DOCK2: variants seen among roughly 807,000 people sequenced by gnomAD.
DOCK2 encodes the protein dedicator of cytokinesis protein 2.
DOCK2 carries 87 observed loss-of-function variants against 248.9 expected under a neutral mutation model. The observed-to-expected ratio is 0.35, with a 90% confidence interval of 0.29 to 0.42. DOCK2 has a LOEUF of 0.42. Ranked by LOEUF, DOCK2 falls within the 10% of genes least tolerant of loss-of-function variation. The probability of loss-of-function intolerance (pLI) is 1.00; values close to 1 mark genes in which losing one functional copy is unlikely to be tolerated. For synonymous variants in DOCK2, 805 were observed against 821.6 expected, an observed-to-expected ratio of 0.98 and a Z score of 0.35; for missense variants, 1,747 against 2,300.2, an observed-to-expected ratio of 0.76 and a Z score of 4.92.
intron 25 of DOCK2, among the ~76,000 whole-genome samples, chr5:169,779,796 C>G (rs1250427306): frequency 6.6e-6 from 1 of 152,198 alleles, no homozygotes; most frequent in African/African-American, 2.4e-5. Context: ...TCTTCTTAAG[C>G]CTGAACAACT....
chr5:169,973,149 C>G (rs564341342), intron 27 of DOCK2, among the ~76,000 whole-genome samples: 1 of 152,326 alleles, frequency 6.6e-6, no homozygotes, highest in South Asian at 2.1e-4. Context: ...TGGAAGCTCT[C>G]TGGCTTGGTC....
Position 169,763,055 on chromosome 5 carries a change from G to A in DOCK2, c.2554+1430G>A, listed in dbSNP as rs1764578435. On this transcript the variant is annotated intron_variant, in intron 25 of 51. Coordinates refer to ENST00000520908, the MANE Select transcript of DOCK2 (RefSeq NM_004946.3). This position sits in a 1 kb window ranked among gnomAD's most constrained non-coding sequence, Gnocchi z 4.1. ...GTTCTTGTGATTTTAATATTTATGT[G>A]TGTGGTTTCCTGACCCTTTAGACAG... Among the ~76,000 whole-genome samples the A allele has an allele frequency of 6.6e-6, 1 of 152,224 alleles. No individual in the cohort carries two copies. Among genetic ancestry groups the A allele is most frequent in the Non-Finnish European group, 1.5e-5 (1 of 68,048 alleles).
intron 2 of DOCK2, among the ~76,000 whole-genome samples, chr5:169,660,925 T>C (rs967355304): frequency 3.3e-5 from 5 of 152,154 alleles, no homozygotes; most frequent in Non-Finnish European, 5.9e-5. Context: ...ATTTGCGGCA[T>C]GTCTATTTGC....
chr5:169,778,238 G>A (rs76569415), intron 25 of DOCK2, among the ~76,000 whole-genome samples: 9,706 of 152,102 alleles, frequency 0.064, 479 homozygotes, highest in Admixed American at 0.16. Flanking sequence ...GTCTTACAAG[G>A]GCTGTTATGA....
chr5:169,749,838 A>G (rs1022697784), intron 23 of DOCK2, among the ~76,000 whole-genome samples: 1 of 152,222 alleles, frequency 6.6e-6, no homozygotes, highest in African/African-American at 2.4e-5. Context: ...TGTATTCCTC[A>G]TATTCCTAAC....
intron 27 of DOCK2, among the ~76,000 whole-genome samples, chr5:169,931,463 G>A (rs1775750076): frequency 6.6e-6 from 1 of 152,198 alleles, no homozygotes; most frequent in South Asian, 2.1e-4. Flanking sequence ...CTATCCAAGT[G>A]CACTAAGTTC....
At chr5:170,080,413 G>A (rs1001559895) in intron 50 of DOCK2, 130 bp downstream of exon 50, 7 of 1,398,928 alleles carry the variant, frequency 5.0e-6, no homozygotes, top group Non-Finnish European at 6.7e-6. Flanking sequence ...GAGAGGCTCT[G>A]CTCATAGCCA....
At chr5:170,005,094 T>G (rs1479169210) in intron 30 of DOCK2, among the ~76,000 whole-genome samples, 6 of 150,676 alleles carry the variant, frequency 4.0e-5, no homozygotes, top group African/African-American at 1.5e-4. Context: ...GAAGTACTGA[T>G]CCATACTACA....
rs200237259 is a variant in DOCK2 at position 169,695,944 on chromosome 5, G to C, written c.979+6G>C. ...GAGGCCCTTTGGGGTGGCAGGTAAG[G>C]GGCACACTCTGCATCATTGATTTTT... On this transcript the variant is annotated splice_donor_region_variant and intron_variant, in intron 10 of 51. Coordinates refer to ENST00000520908, the MANE Select transcript of DOCK2 (RefSeq NM_004946.3). 3 of 1,589,532 alleles carry C rather than the reference G, an allele frequency of 1.9e-6. No homozygotes were observed. Among genetic ancestry groups the C allele is most frequent in the African/African-American group, 2.7e-5 (2 of 73,516 alleles).
chr5:169,943,630 G>C (rs1329325260), intron 27 of DOCK2, among the ~76,000 whole-genome samples: 1 of 152,100 alleles, frequency 6.6e-6, no homozygotes, highest in African/African-American at 2.4e-5. Flanking sequence ...TATCTGCCTG[G>C]CCTCATCAGG....
At chr5:169,741,676 T>C (rs562870440) in intron 22 of DOCK2, among the ~76,000 whole-genome samples, 1 of 152,298 alleles carries the variant, frequency 6.6e-6, no homozygotes, top group African/African-American at 2.4e-5. Flanking sequence ...GCCAGCCTTC[T>C]AGCTTCCCTC....
intron 22 of DOCK2, among the ~76,000 whole-genome samples, chr5:169,728,328 T>C (rs1762596011): frequency 6.6e-6 from 1 of 152,158 alleles, no homozygotes; most frequent in Admixed American, 6.5e-5. Flanking sequence ...ACAGTTTTGG[T>C]TGAAATTGAT....
intron 25 of DOCK2, among the ~76,000 whole-genome samples, chr5:169,769,196 A>G (rs193149914): frequency 3.2e-4 from 49 of 152,302 alleles, no homozygotes; most frequent in African/African-American, 1.2e-3. Context: ...TCTAGATTTA[A>G]CCAGTTTTTC....
rs370107072 is a variant in DOCK2 at position 169,967,556 on chromosome 5, G to A, written c.2800-15512G>A. On this transcript the variant is annotated intron_variant, in intron 27 of 51. Coordinates refer to ENST00000520908, the MANE Select transcript of DOCK2 (RefSeq NM_004946.3). The stretch of plus-strand genomic sequence containing the variant: ...AGGGAAGAGGGACCAGGTCATGCAG[G>A]GAACCGAACACCATGCTAAGAGGTT... Among the ~76,000 whole-genome samples, 4 of 152,112 alleles carry A rather than the reference G, an allele frequency of 2.6e-5. No homozygotes were observed. In the South Asian group the frequency reaches 8.3e-4, roughly 32 times the overall value.
chr5:169,804,531 A>G (rs564891878), intron 26 of DOCK2, among the ~76,000 whole-genome samples: 225 of 151,400 alleles, frequency 1.5e-3, no homozygotes, highest in South Asian at 8.6e-3. Context: ...AAGCCTACAC[A>G]AAGGAGGTGA....
At chr5:169,818,762 C>T (rs752152597) in intron 26 of DOCK2, among the ~76,000 whole-genome samples, 4 of 152,050 alleles carry the variant, frequency 2.6e-5, no homozygotes, top group African/African-American at 4.8e-5. Flanking sequence ...AGATAGGTCA[C>T]GCAAACATAT....
chr5:169,910,030 T>C (rs1482606048), intron 27 of DOCK2, among the ~76,000 whole-genome samples: 1 of 152,176 alleles, frequency 6.6e-6, no homozygotes, highest in Admixed American at 6.5e-5. Flanking sequence ...TCTCAGCCAT[T>C]GGAACAAATT....
At chr5:169,953,763 T>A (rs979564144) in intron 27 of DOCK2, among the ~76,000 whole-genome samples, 4 of 152,266 alleles carry the variant, frequency 2.6e-5, no homozygotes, top group African/African-American at 7.2e-5. Flanking sequence ...GCACTTGTTT[T>A]CTCCTCGGGA....
chr5:169,698,339 A>T (rs1272054483), intron 10 of DOCK2, 35 bp from the exon 11 acceptor site: 17 of 1,606,102 alleles, frequency 1.1e-5, no homozygotes, highest in Middle Eastern at 1.7e-4. Flanking sequence ...AACAGGAAGA[A>T]GTTAAACCAT....
Sources: allele counts gnomAD v4.1 joint callset (sites outside exome capture counted in the v4.1 genomes callset), GRCh38; gene constraint gnomAD v4.1.1; non-coding constraint Gnocchi (gnomAD v3.1); transcripts MANE v1.5; gene names NCBI Gene and HGNC (gene_info 2026-07-23, HGNC 2026-07-21).